The following TBC1D5 variants were observed in gnomAD, a reference collection of about 807,000 sequenced individuals.
TBC1D5 encodes the protein TBC1 domain family member 5, also known as TBC1 domain family, member 5.
In TBC1D5, 75 loss-of-function variants were observed where a neutral mutation model predicts 100.3. The ratio of observed to expected loss-of-function variants is 0.75; its 90% confidence interval spans 0.62 to 0.91. The LOEUF (loss-of-function observed/expected upper bound fraction) is 0.91, where lower values mean the gene tolerates loss of function less well. TBC1D5 is among the 40% of genes least tolerant of loss of function. The pLI is 0.00. For synonymous variants in TBC1D5, 323 were observed against 325.6 expected (o/e 0.99, Z 0.09); for missense variants, 910 against 942.4 (o/e 0.97, Z 0.45).
chr3:17,256,852 T>C (rs1471952881), intron 16 of TBC1D5, among the ~76,000 whole-genome samples: 1 of 152,144 alleles, frequency 6.6e-6, no homozygotes, highest in Non-Finnish European at 1.5e-5. Flanking sequence ...GAGTGGCCTC[T>C]CTGAGATGAC....
chr3:17,230,071 G>C (rs768256801), intron 17 of TBC1D5, among the ~76,000 whole-genome samples: 5 of 152,044 alleles, frequency 3.3e-5, no homozygotes, highest in Non-Finnish European at 7.4e-5. Flanking sequence ...TGTGCTTCAG[G>C]TCTATCACAT....
At chr3:17,706,601 T>C (rs187983156) in intron 1 of TBC1D5, among the ~76,000 whole-genome samples, 153 of 152,258 alleles carry the variant, frequency 1.0e-3, no homozygotes, top group Admixed American at 6.5e-3. Context: ...TACTATTACA[T>C]TGCAAATATT....
intron 3 of TBC1D5, among the ~76,000 whole-genome samples, chr3:17,474,646 T>C (rs2095417172): frequency 6.6e-6 from 1 of 152,176 alleles, no homozygotes; most frequent in Admixed American, 6.5e-5. Flanking sequence ...AAAAACTTTA[T>C]GTTCAACCAA....
chr3:17,532,592 T>C (rs562024984), intron 2 of TBC1D5, among the ~76,000 whole-genome samples: 1 of 152,198 alleles, frequency 6.6e-6, no homozygotes, highest in East Asian at 1.9e-4. Context: ...AACCCAAATG[T>C]CCAACAATGA....
At chr3:17,204,203 G>A (rs1461676181) in intron 18 of TBC1D5, among the ~76,000 whole-genome samples, 1 of 152,046 alleles carries the variant, frequency 6.6e-6, no homozygotes, top group African/African-American at 2.4e-5. Context: ...TGCCACTGAG[G>A]GGGAAAGAAG....
rs74510000 is a variant in TBC1D5 at position 17,246,411 on chromosome 3, A to G, written c.1332-7992T>C. Among the ~76,000 whole-genome samples the G allele has an allele frequency of 1.1e-3, 172 of 152,308 alleles. 1 individual carries two copies. The highest frequency in any genetic ancestry group is 3.8e-3 in the African/African-American group (160 of 41,566). On this transcript the variant is annotated intron_variant, in intron 16 of 21. Coordinates refer to ENST00000253692, the Ensembl canonical transcript of TBC1D5. ...ATCAAAATCCCAACAATTTTTATAG[A>G]AATTGGAAAGTTGATTGTAAAATTT...
intron 2 of TBC1D5, among the ~76,000 whole-genome samples, chr3:17,551,750 T>A (rs764029926): frequency 6.6e-6 from 1 of 152,136 alleles, no homozygotes; most frequent in African/African-American, 2.4e-5. Flanking sequence ...TGAACACAGA[T>A]GTTGAAAACA....
At chr3:17,527,662 G>A (rs1671265952) in intron 2 of TBC1D5, among the ~76,000 whole-genome samples, 1 of 152,082 alleles carries the variant, frequency 6.6e-6, no homozygotes, top group African/African-American at 2.4e-5. Context: ...TATGGTATAT[G>A]AGAAAGTACA....
intron 1 of TBC1D5, among the ~76,000 whole-genome samples, chr3:17,729,193 C>A (rs750192105): frequency 6.6e-6 from 1 of 151,898 alleles, no homozygotes; most frequent in Non-Finnish European, 1.5e-5. Context: ...TTCTCTCCTG[C>A]ACTAAAAGCT....
At chr3:17,519,828 T>A (rs2096042794) in intron 2 of TBC1D5, among the ~76,000 whole-genome samples, 1 of 152,034 alleles carries the variant, frequency 6.6e-6, no homozygotes, top group South Asian at 2.1e-4. Context: ...AAGATCTGAG[T>A]TTTCCATCTT....
At chr3:17,372,562 G>T (rs1245630341) in intron 12 of TBC1D5, among the ~76,000 whole-genome samples, 1 of 152,108 alleles carries the variant, frequency 6.6e-6, no homozygotes, top group African/African-American at 2.4e-5. Flanking sequence ...CTTTTATAAA[G>T]CTGACTCAGT....
chr3:17,289,255 C>T (rs536993852), intron 15 of TBC1D5, among the ~76,000 whole-genome samples: 3 of 152,282 alleles, frequency 2.0e-5, no homozygotes, highest in African/African-American at 7.2e-5. Flanking sequence ...GTCACAGCAG[C>T]CACAGGATCC....
chr3:17,695,113 AAAC>A (rs896006624), intron 1 of TBC1D5, among the ~76,000 whole-genome samples: 2 of 152,212 alleles, frequency 1.3e-5, no homozygotes, highest in Non-Finnish European at 2.9e-5. Context: ...ACACGGAAAG[AAAC>A]AACCGGTACA....
chr3:17,619,741 G>A (rs866057481), intron 2 of TBC1D5, among the ~76,000 whole-genome samples: 4 of 152,170 alleles, frequency 2.6e-5, no homozygotes, highest in Middle Eastern at 3.4e-3. Context: ...ATAAAATTTC[G>A]CAGGACAAAA....
rs368571190 is a variant in TBC1D5, at chr3:17,383,912, C to T, written c.612+1G>A. Reference sequence around the variant, plus strand: ...TGCCACCTGTAAGATATTTTCATTACCTGTTTATAAAGCAACTGCTCGTTT... The same window carrying T: ...TGCCACCTGTAAGATATTTTCATTATCTGTTTATAAAGCAACTGCTCGTTT... On this transcript the variant is annotated splice_donor_variant, in intron 9 of 21. Transcript: ENST00000253692. LOFTEE classifies it high-confidence loss of function. 119 of 1,587,974 alleles carry T rather than the reference C, an allele frequency of 7.5e-5. No individual in the cohort carries two copies. Among genetic ancestry groups the T allele is most frequent in the Non-Finnish European group, 1.0e-4 (116 of 1,162,094 alleles).
chr3:17,415,611 G>T (rs1313465314), intron 4 of TBC1D5, among the ~76,000 whole-genome samples: 2 of 151,878 alleles, frequency 1.3e-5, no homozygotes, highest in Admixed American at 6.6e-5. Flanking sequence ...CAAACTTTTT[G>T]ATTTTATAAC....
intron 3 of TBC1D5, among the ~76,000 whole-genome samples, chr3:17,429,098 A>T (rs1486512319): frequency 6.6e-6 from 1 of 152,028 alleles, no homozygotes; most frequent in East Asian, 1.9e-4. Context: ...GCAATTTAAA[A>T]CATGAAAAAG....
intron 3 of TBC1D5, among the ~76,000 whole-genome samples, chr3:17,494,792 G>T (rs1487711765): frequency 2.0e-5 from 3 of 152,190 alleles, no homozygotes; most frequent in Non-Finnish European, 4.4e-5. Context: ...CCCTCCCTCG[G>T]GAACTCAATC....
chr3:17,627,904 A>G (rs911901070), intron 1 of TBC1D5, among the ~76,000 whole-genome samples: 2 of 152,138 alleles, frequency 1.3e-5, no homozygotes, highest in African/African-American at 4.8e-5. Flanking sequence ...TTTATATATC[A>G]ATTATATTCA....
Sources: gnomAD v4.1 joint callset for allele counts (sites outside exome capture counted in the v4.1 genomes callset) on GRCh38, gnomAD v4.1.1 for gene constraint, MANE v1.5 for transcripts, NCBI Gene and HGNC (gene_info 2026-07-23, HGNC 2026-07-21) for gene names.